Variants in TMEM165 observed in about 807,000 individuals in gnomAD.
TMEM165 encodes putative divalent cation/proton antiporter TMEM165.
In TMEM165, 19 loss-of-function variants were observed where a neutral mutation model predicts 30.0. That is an observed-to-expected ratio of 0.63 (90% CI 0.44 to 0.93). The LOEUF (loss-of-function observed/expected upper bound fraction) is 0.93. TMEM165 is among the 40% of genes least tolerant of loss of function. The pLI is 0.00. For missense variants in TMEM165, 340 were observed against 417.0 expected (o/e 0.82, Z 1.61); for synonymous variants, 168 against 162.9 (o/e 1.03, Z -0.24).
At chr4:55,453,233 A>C (rs959923668) in exon 4 of TMEM165, 5 of 948,268 alleles carry the variant, frequency 5.3e-6, no homozygotes, top group Non-Finnish European at 5.1e-6. Context: ...CTGTTCATCT[A>C]GACTATTTGC....
At chr4:55,430,840 A>G (rs1044857843), downstream of TMEM165, 1 of 152,220 alleles carries the variant, frequency 6.6e-6, no homozygotes, top group Admixed American at 6.5e-5. Context: ...GTGTCCACAC[A>G]ATAGGCAAGA....
At position 55,443,798 on chromosome 4, in the gene TMEM165, C is replaced by T. The variant is rs369902734; in HGVS notation, c.409-8441C>T. 17 of 1,613,848 alleles carry T rather than the reference C, an allele frequency of 1.1e-5. No homozygotes were observed. In the African/African-American group the frequency reaches 2.1e-4, roughly 20 times the overall value. On this transcript the variant is annotated intron_variant, in intron 3 of 3. Coordinates refer to the TMEM165 transcript ENST00000608091. ...GGTTAGTAGGAACAACTTGGCCTTGCATATTTATAGGTGCAAGTTGCTGGA... is the reference window on the plus strand; with the variant it reads ...GGTTAGTAGGAACAACTTGGCCTTGTATATTTATAGGTGCAAGTTGCTGGA...
intron 3 of TMEM165, chr4:55,442,444 T>C: frequency 6.2e-7 from 1 of 1,609,326 alleles, no homozygotes; most frequent in Non-Finnish European, 8.5e-7. Flanking sequence ...TATCTGCCTG[T>C]CCTGAGTGAA....
chr4:55,431,199 G>A (rs1297109040), intron 3 of TMEM165: 1 of 152,148 alleles, frequency 6.6e-6, no homozygotes, highest in African/African-American at 2.4e-5. Flanking sequence ...CCAGGCATGA[G>A]AGTTGGGTCT....
chr4:55,449,986 A>C, intron 3 of TMEM165: 1 of 1,370,522 alleles, frequency 7.3e-7, no homozygotes, highest in Non-Finnish European at 1.0e-6. Context: ...GAAATGTAAA[A>C]ACTTATAATT....
At position 55,443,634 on chromosome 4, in the gene TMEM165, T is replaced by C. The variant is rs558239887; in HGVS notation, c.409-8605T>C. ...AGCTTTATTTCTGCTTCAGCAATAG[T>C]GTGCCTTCCAACCACTGATCACTCC... is the stretch of plus-strand genomic sequence containing the variant. On this transcript the variant is annotated intron_variant, in intron 3 of 3. Transcript: ENST00000608091. 138 of 1,336,922 alleles carry C rather than the reference T, an allele frequency of 1.0e-4. No individual in the cohort carries two copies. The Admixed American group carries it at 2.3e-3, about 22-fold the overall frequency. 82.8% of individuals were successfully genotyped at this position (1,336,922 alleles called of 1,614,324 possible). A position where few individuals can be genotyped will look rare whatever the true frequency, so the allele number is the denominator to read the frequency against.
intron 1 of TMEM165, among the ~76,000 whole-genome samples, chr4:55,399,642 C>T (rs1253385932): frequency 2.0e-5 from 3 of 152,170 alleles, no homozygotes; most frequent in Admixed American, 2.0e-4. Context: ...TAGGAAAAAT[C>T]TAGCCATGCA....
At chr4:55,441,887 A>G (rs1324045290) in intron 3 of TMEM165, among the ~76,000 whole-genome samples, 1 of 152,184 alleles carries the variant, frequency 6.6e-6, no homozygotes, top group Admixed American at 6.5e-5. Flanking sequence ...AAATGAAGAC[A>G]CCAAGGTCTG....
downstream of TMEM165, among the ~76,000 whole-genome samples, chr4:55,427,580 G>C (rs967022856): frequency 2.7e-5 from 4 of 148,204 alleles, no homozygotes; most frequent in African/African-American, 1.0e-4. Context: ...CATGACCTTA[G>C]GTGATCCACC....
chr4:55,420,146 T>TATATATATA lies in TMEM165; in HGVS notation c.792+2161_792+2162insATATATATA, dbSNP rs375498267. ...ACATATATATTTATTTATTTATTTA[T>TATATATATA]TTTATTTATTTATTTAATGGCTGTA... On this transcript the variant is annotated intron_variant, in intron 4 of 5. Transcript: ENST00000381334. 2.1e-3 allele frequency among the ~76,000 whole-genome samples: 89 copies of TATATATATA among 41,484 alleles called. 7 individuals are homozygous for TATATATATA. The highest frequency in any genetic ancestry group is 8.6e-3 in the East Asian group (5 of 580). 27.2% of individuals were successfully genotyped at this position (41,484 alleles called of 152,430 possible).
At chr4:55,442,184 C>T (rs3805149) in intron 3 of TMEM165, 176,384 of 469,770 alleles carry the variant, frequency 0.38, 35,483 homozygotes, top group East Asian at 0.61. Context: ...CAGTGTGCTG[C>T]AGAATTTGTA....
chr4:55,409,737 G>T (rs1012036103), intron 1 of TMEM165, among the ~76,000 whole-genome samples: 11 of 152,292 alleles, frequency 7.2e-5, no homozygotes, highest in African/African-American at 2.6e-4. Flanking sequence ...CCTGGGAGTG[G>T]TGGTTCCCTT....
At chr4:55,398,462 C>T (rs1319253065) in intron 1 of TMEM165, among the ~76,000 whole-genome samples, 2 of 152,212 alleles carry the variant, frequency 1.3e-5, no homozygotes, top group African/African-American at 4.8e-5. Flanking sequence ...CTGTGCCTTA[C>T]TAAGTTTTAT....
chr4:55,436,892 CT>C (rs35888413), intron 3 of TMEM165, among the ~76,000 whole-genome samples: 22,389 of 98,072 alleles, frequency 0.23, 1,603 homozygotes, highest in South Asian at 0.35. Context: ...TTTGGGATGC[CT>C]TTTTTTTTTT....
chr4:55,448,630 G>A (rs1441265550), intron 3 of TMEM165: 3 of 604,904 alleles, frequency 5.0e-6, no homozygotes, highest in African/African-American at 3.8e-5. Context: ...GTGTGTGTGT[G>A]TGTGTGTGTG....
intron 3 of TMEM165, chr4:55,442,272 A>G: frequency 1.4e-6 from 1 of 690,228 alleles, no homozygotes; most frequent in Non-Finnish European, 2.4e-6. Context: ...GTCTTTAAAC[A>G]ATGAATACAT....
chr4:55,440,664 T>A (rs963872012), intron 3 of TMEM165, among the ~76,000 whole-genome samples: 1 of 152,248 alleles, frequency 6.6e-6, no homozygotes, highest in African/African-American at 2.4e-5. Flanking sequence ...GTACACTTAG[T>A]CACAGAAGTA....
intron 1 of TMEM165, among the ~76,000 whole-genome samples, chr4:55,405,864 CAAACAT>C (rs1249451754): frequency 6.6e-6 from 1 of 152,210 alleles, no homozygotes; most frequent in Non-Finnish European, 1.5e-5. Context: ...AGCTTGTCCA[CAAACAT>C]AAAGAATTTC....
At chr4:55,419,059 A>G (rs113473423) in intron 4 of TMEM165, among the ~76,000 whole-genome samples, 5,130 of 152,272 alleles carry the variant, frequency 0.034, 103 homozygotes, top group Non-Finnish European at 0.054. Context: ...AATTAAATAA[A>G]TAATATATAA....
Sources: gnomAD v4.1 joint callset for allele counts (sites outside exome capture counted in the v4.1 genomes callset) on GRCh38, gnomAD v4.1.1 for gene constraint, MANE v1.5 for transcripts, NCBI Gene and HGNC (gene_info 2026-07-23, HGNC 2026-07-21) for gene names.